IMPG1: variants seen among roughly 807,000 people sequenced by gnomAD.
IMPG1 encodes the protein interphotoreceptor matrix proteoglycan 1.
In IMPG1, 85 loss-of-function variants were observed where a neutral mutation model predicts 92.0. The ratio of observed to expected loss-of-function variants is 0.92; its 90% CI spans 0.78 to 1.11. The LOEUF (loss-of-function observed/expected upper bound fraction) is 1.11, where lower values mean the gene tolerates loss of function less well. Among genes scored for constraint, IMPG1 ranks in the 50% least tolerant of loss-of-function variants. IMPG1 has a pLI of 0.00. For missense variants in IMPG1, 1,022 were observed against 956.0 expected (o/e 1.07, Z -0.91); for synonymous variants, 367 against 334.1 (o/e 1.10, Z -1.08).
At chr6:76,017,335 A>G (rs1212246968) in intron 7 of IMPG1, among the ~76,000 whole-genome samples, 1 of 152,198 alleles carries the variant, frequency 6.6e-6, no homozygotes, top group Non-Finnish European at 1.5e-5. Context: ...TCAGAGATGG[A>G]AGAGACATCT....
At chr6:75,967,882 T>A (rs1013869133) in intron 12 of IMPG1, among the ~76,000 whole-genome samples, 9 of 152,162 alleles carry the variant, frequency 5.9e-5, no homozygotes, top group Non-Finnish European at 1.3e-4. Context: ...TTACAGGCAA[T>A]AAGTAGTTGA....
chr6:75,931,653 G>T (rs1781670908), intron 14 of IMPG1, among the ~76,000 whole-genome samples: 1 of 152,120 alleles, frequency 6.6e-6, no homozygotes, highest in Non-Finnish European at 1.5e-5. Flanking sequence ...AACTCAGGAT[G>T]ATTTCCTGAT....
chr6:76,055,376 G>A (rs1445477942), intron 1 of IMPG1, among the ~76,000 whole-genome samples: 1 of 152,002 alleles, frequency 6.6e-6, no homozygotes, highest in Non-Finnish European at 1.5e-5. Context: ...AAATTACTAT[G>A]TAATAAAACT....
At chr6:76,023,673 G>A (rs1332560950) in intron 5 of IMPG1, among the ~76,000 whole-genome samples, 1 of 151,956 alleles carries the variant, frequency 6.6e-6, no homozygotes, top group Non-Finnish European at 1.5e-5. Context: ...TTTGTTGCTA[G>A]AACTTAAATA....
intron 8 of IMPG1, among the ~76,000 whole-genome samples, chr6:76,010,907 G>C (rs758869220): frequency 6.6e-6 from 1 of 152,184 alleles, no homozygotes; most frequent in Middle Eastern, 3.2e-3. Context: ...AAAGACAGCA[G>C]ATGAGCTCTC....
At position 75,928,273 on chromosome 6, in the gene IMPG1, C is replaced by T. The variant is rs1781594890; in HGVS notation, c.2243+2680G>A. ...GGAGTGCAATGGCGTGATCTTGGCT[C>T]ACTGCAACCTCCACCTCCTGGGTTC... On this transcript the variant is annotated intron_variant, in intron 15 of 16. Coordinates refer to ENST00000369950, the MANE Select transcript of IMPG1 (RefSeq NM_001563.4). Among the ~76,000 whole-genome samples the T allele has an allele frequency of 2.0e-5, 3 of 151,712 alleles. No homozygotes were observed. In the South Asian group the frequency reaches 6.2e-4, roughly 32 times the overall value.
intron 15 of IMPG1, among the ~76,000 whole-genome samples, chr6:75,927,034 G>C (rs1053763692): frequency 3.3e-5 from 5 of 152,292 alleles, no homozygotes; most frequent in African/African-American, 1.2e-4. Context: ...GTTCTTTAGA[G>C]AACGCTGTTT....
At chr6:75,979,322 G>C (rs1366843154) in intron 12 of IMPG1, among the ~76,000 whole-genome samples, 1 of 152,200 alleles carries the variant, frequency 6.6e-6, no homozygotes, top group African/African-American at 2.4e-5. Flanking sequence ...GCTTGGCAAG[G>C]TGCTACAGCC....
chr6:75,965,690 G>A (rs1237535426), intron 12 of IMPG1, among the ~76,000 whole-genome samples: 1 of 140,630 alleles, frequency 7.1e-6, no homozygotes, highest in Non-Finnish European at 1.5e-5. Context: ...CTTACTGCAA[G>A]CTCCGCCTCT....
intron 14 of IMPG1, among the ~76,000 whole-genome samples, chr6:75,936,498 A>G (rs554545261): frequency 6.6e-6 from 1 of 152,356 alleles, no homozygotes; most frequent in Non-Finnish European, 1.5e-5. Context: ...TTTGGAGCTT[A>G]ATACACATTT....
Position 76,034,344 on chromosome 6 carries a change from C to T in IMPG1, c.469-1G>A, listed in dbSNP as rs748480710. ...CAGGGAAACTTCTCTGTTTTATTCT[C>T]TGCAAAAAGATAAAGATAAAATGTA... On this transcript the variant is annotated splice_acceptor_variant, in intron 3 of 16. Coordinates refer to ENST00000369950, the MANE Select transcript of IMPG1 (RefSeq NM_001563.4). LOFTEE classifies it high-confidence loss of function. The T allele has an allele frequency of 1.2e-6, 2 of 1,612,484 alleles. No homozygotes were observed. Among genetic ancestry groups the T allele is most frequent in the South Asian group, 2.2e-5 (2 of 91,030 alleles).
At chr6:76,001,268 A>AAAGTATT (rs1306650773) in intron 12 of IMPG1, among the ~76,000 whole-genome samples, 26 of 152,368 alleles carry the variant, frequency 1.7e-4, no homozygotes, top group African/African-American at 6.3e-4. Context: ...GAATGAAAGA[A>AAAGTATT]AAGTATTCAG....
chr6:75,965,606 CTTTTTTT>C (rs35490140), intron 12 of IMPG1, among the ~76,000 whole-genome samples: 156 of 112,500 alleles, frequency 1.4e-3, no homozygotes, highest in Non-Finnish European at 2.2e-3. Flanking sequence ...CATACTTGTT[CTTTTTTT>C]TTTTTTTTTT....
intron 12 of IMPG1, among the ~76,000 whole-genome samples, chr6:75,986,563 G>A (rs1390682511): frequency 2.6e-5 from 4 of 152,078 alleles, no homozygotes; most frequent in African/African-American, 9.7e-5. Flanking sequence ...TTTGAAATTG[G>A]GAAAATGGCC....
rs771293787 is a variant in IMPG1 at position 76,034,297 on chromosome 6, TC to T, written c.497+17del. On this transcript the variant is annotated intron_variant, in intron 4 of 16. Coordinates refer to ENST00000369950, the MANE Select transcript of IMPG1 (RefSeq NM_001563.4). ...AATTCAAAAGCACACACACACACACTCTATTTTGGGTACTTGCCTGTCAGGG... is the reference window on the plus strand; with the variant it reads ...AATTCAAAAGCACACACACACACACTTATTTTGGGTACTTGCCTGTCAGGG... 6.2e-7 allele frequency: 1 copy of T among 1,606,688 alleles called. No homozygotes were observed. The highest frequency in any genetic ancestry group is 8.5e-7 in the Non-Finnish European group (1 of 1,173,482).
At chr6:76,040,930 C>A (rs1417943042) in intron 2 of IMPG1, among the ~76,000 whole-genome samples, 1 of 152,124 alleles carries the variant, frequency 6.6e-6, no homozygotes, top group East Asian at 1.9e-4. Flanking sequence ...TGGAATTGAA[C>A]AAGCTTGCTC....
intron 1 of IMPG1, among the ~76,000 whole-genome samples, chr6:76,045,170 C>G (rs1462579896): frequency 6.6e-6 from 1 of 152,160 alleles, no homozygotes; most frequent in South Asian, 2.1e-4. Context: ...TATAAGGTCA[C>G]CCAGTTTTAA....
At chr6:75,995,923 G>T (rs963426068) in intron 12 of IMPG1, among the ~76,000 whole-genome samples, 2 of 152,220 alleles carry the variant, frequency 1.3e-5, no homozygotes, top group Non-Finnish European at 2.9e-5. Flanking sequence ...CAGGCATAAA[G>T]TATATCTGCC....
At chr6:75,970,483 T>C (rs1782393526) in intron 12 of IMPG1, among the ~76,000 whole-genome samples, 1 of 152,200 alleles carries the variant, frequency 6.6e-6, no homozygotes, top group South Asian at 2.1e-4. Flanking sequence ...ATATAAAAAC[T>C]AAAGAGCTCA....
Sources: allele counts gnomAD v4.1 joint callset (sites outside exome capture counted in the v4.1 genomes callset), GRCh38; gene constraint gnomAD v4.1.1; transcripts MANE v1.5; gene names NCBI Gene and HGNC (gene_info 2026-07-23, HGNC 2026-07-21).